The following ZC3HC1 variants were observed in gnomAD, a reference collection of about 807,000 sequenced individuals.
ZC3HC1 encodes the protein zinc finger C3HC-type containing 1.
In ZC3HC1, 38 loss-of-function variants were observed where a neutral mutation model predicts 61.9. The ratio of observed to expected loss-of-function variants is 0.61; its 90% confidence interval spans 0.47 to 0.81. The LOEUF is 0.81. Ranked by LOEUF, ZC3HC1 falls within the 30% of genes least tolerant of loss-of-function variation. The pLI, the probability that ZC3HC1 is intolerant of heterozygous loss-of-function variation, is 0.00. For synonymous variants in ZC3HC1, 213 were observed against 229.9 expected (o/e 0.93, Z 0.67); for missense variants, 554 against 622.7 (o/e 0.89, Z 1.17).
intron 4 of ZC3HC1, among the ~76,000 whole-genome samples, chr7:130,037,400 A>G (rs180676291): frequency 1.3e-5 from 2 of 152,220 alleles, no homozygotes; most frequent in Admixed American, 1.3e-4. Context: ...GCCTAGACTG[A>G]GCCATTGCAG....
At chr7:130,036,406 G>A (rs746998231) in intron 4 of ZC3HC1, among the ~76,000 whole-genome samples, 2 of 151,624 alleles carry the variant, frequency 1.3e-5, no homozygotes, top group African/African-American at 2.4e-5. Flanking sequence ...AACTCAGGAG[G>A]GAAAAATTAG....
At chr7:130,041,135 T>A in intron 2 of ZC3HC1, 34 bp from the exon 3 acceptor site, 1 of 1,537,372 alleles carries the variant, frequency 6.5e-7, no homozygotes, top group Non-Finnish European at 8.8e-7. Context: ...ACAGCAAATA[T>A]ATATATATAT....
At chr7:130,050,445 T>A in intron 1 of ZC3HC1, 1 of 1,529,934 alleles carries the variant, frequency 6.5e-7, no homozygotes, top group Non-Finnish European at 8.7e-7. Context: ...AAACTTACTC[T>A]AAGACTCTCA....
At chr7:130,022,107 G>A (rs1172878532) in intron 9 of ZC3HC1, among the ~76,000 whole-genome samples, 1 of 152,134 alleles carries the variant, frequency 6.6e-6, no homozygotes, top group Non-Finnish European at 1.5e-5. Context: ...GGAGGCGGAG[G>A]TTGCAGTGAG....
intron 9 of ZC3HC1, among the ~76,000 whole-genome samples, chr7:130,019,151 T>A (rs2116634395): frequency 6.6e-6 from 1 of 151,962 alleles, no homozygotes; most frequent in East Asian, 1.9e-4. Flanking sequence ...CCTCCCGGGT[T>A]CACGCCATTC....
rs371366056 is a variant in ZC3HC1 at position 130,022,519 on chromosome 7, A to G, written c.1240T>C (p.Ser414Pro). 7.4e-6 allele frequency: 12 copies of G among 1,614,010 alleles called. No individual in the cohort carries two copies. Among genetic ancestry groups the G allele is most frequent in the Non-Finnish European group, 1.0e-5 (12 of 1,179,996 alleles). ...RLCSSSSSDT[S>P]SRSFFDPTSQ... is the part of the protein sequence containing the mutation. ...GTGGGATCAAAGAAGCTTCGGGAAG[A>G]TGTGTCCTGAGGAAGGAGAAAAAGA... is the stretch of plus-strand genomic sequence containing the variant. Residue 414 changes from serine (S) to proline (P), a missense_variant, in exon 9 of 10, where the codon TCT (serine) becomes CCT (proline). Physicochemically the swap from Ser to Pro is moderately conservative, Grantham distance 74 (BLOSUM62 -1). Coordinates refer to ENST00000358303, the MANE Select transcript of ZC3HC1 (RefSeq NM_016478.5).
intron 4 of ZC3HC1, among the ~76,000 whole-genome samples, chr7:130,031,859 G>C (rs941673018): frequency 9.2e-5 from 14 of 152,180 alleles, no homozygotes; most frequent in Non-Finnish European, 1.5e-4. Context: ...ACCACACACA[G>C]AGCTCCTTGG....
intron 1 of ZC3HC1, chr7:130,050,609 GTAGT>G: frequency 1.1e-6 from 1 of 927,068 alleles, no homozygotes. Flanking sequence ...AAACACCATA[GTAGT>G]ATTAGCAGTA....
upstream of ZC3HC1, chr7:130,051,399 T>C (rs1387527927): frequency 6.2e-7 from 1 of 1,610,622 alleles, no homozygotes; most frequent in South Asian, 1.1e-5. Flanking sequence ...TCCCCGAGAG[T>C]TTGAAGGCTC....
intron 9 of ZC3HC1, 31 bp from the exon 10 acceptor site, chr7:130,018,763 T>G (rs1793484891): frequency 6.4e-7 from 1 of 1,569,254 alleles, no homozygotes; most frequent in Non-Finnish European, 8.8e-7. Context: ...TATTAGTGAT[T>G]ACGTTCTTTT....
Position 130,024,440 on chromosome 7 carries a change from G to C in ZC3HC1, c.843C>G (p.Leu281=), listed in dbSNP as rs975428906. Residue 281 remains leucine, a synonymous_variant, in exon 7 of 10, where the codon CTC becomes CTG. Coordinates refer to ENST00000358303, the MANE Select transcript of ZC3HC1 (RefSeq NM_016478.5). ...ACGATTCAATCTGCTGGAAGCCCCA[G>C]AGCCCCACCTTCCTCATACATTGCG... is the stretch of plus-strand genomic sequence containing the variant. ...TCSQCMRKVG[L]WGFQQIESSM... is the part of the protein sequence containing the mutation. The C allele has an allele frequency of 6.2e-7, 1 of 1,614,050 alleles. No individual in the cohort carries two copies. The highest frequency in any genetic ancestry group is 2.2e-5 in the East Asian group (1 of 44,896).
chr7:130,034,034 A>C lies in ZC3HC1; in HGVS notation c.494-5005T>G, dbSNP rs1000897506. Among the ~76,000 whole-genome samples, 3 of 152,170 alleles carry C rather than the reference A, an allele frequency of 2.0e-5. No individual in the cohort carries two copies. In the South Asian group the frequency reaches 6.2e-4, roughly 31 times the overall value. On this transcript the variant is annotated intron_variant, in intron 4 of 9. Coordinates refer to ENST00000358303, the MANE Select transcript of ZC3HC1 (RefSeq NM_016478.5). ...AGCCTTACTGAGGTCTAATTGACAT[A>C]AACTGCACATGTTTGATAAGTTTTA...
chr7:130,040,862 A>G (rs1794629181), intron 3 of ZC3HC1, 89 bp downstream of exon 3: 1 of 1,385,604 alleles, frequency 7.2e-7, no homozygotes, highest in Non-Finnish European at 9.7e-7. Context: ...TTTTTGATCA[A>G]ACTAAAATGA....
intron 5 of ZC3HC1, among the ~76,000 whole-genome samples, chr7:130,027,785 C>T (rs1793985419): frequency 1.3e-5 from 2 of 152,026 alleles, no homozygotes; most frequent in African/African-American, 4.8e-5. Context: ...TCCCAAAGTG[C>T]CGGGATTACA....
chr7:130,037,677 ATC>A (rs201505493), intron 4 of ZC3HC1, among the ~76,000 whole-genome samples: 2,383 of 152,264 alleles, frequency 0.016, 33 homozygotes, highest in Middle Eastern at 0.024. Context: ...GTAGAGGGGA[ATC>A]TCTGGTTATT....
chr7:130,047,022 G>C (rs536363939), intron 2 of ZC3HC1, among the ~76,000 whole-genome samples: 4 of 152,160 alleles, frequency 2.6e-5, no homozygotes, highest in Admixed American at 2.6e-4. Flanking sequence ...GAGTGCAGTG[G>C]CATGATCTCG....
At position 130,022,028 on chromosome 7, in the gene ZC3HC1, C is replaced by T. The variant is rs538052700; in HGVS notation, c.1440+291G>A. 2.7e-4 allele frequency among the ~76,000 whole-genome samples: 41 copies of T among 152,052 alleles called. 1 individual carries two copies. The East Asian group carries it at 3.9e-3, about 14-fold the overall frequency. The stretch of plus-strand genomic sequence containing the variant: ...TGTCTATTAAAAATACAAAATTAGC[C>T]GGGTGTGGTGGTGGGCGCCTGTAAT... On this transcript the variant is annotated intron_variant, in intron 9 of 9. Coordinates refer to ENST00000358303, the MANE Select transcript of ZC3HC1 (RefSeq NM_016478.5).
chr7:130,024,894 C>CTTTTT (rs544256735), intron 6 of ZC3HC1, among the ~76,000 whole-genome samples: 1 of 37,056 alleles, frequency 2.7e-5, no homozygotes, highest in Non-Finnish European at 4.6e-5. Flanking sequence ...TCCTGTCCCT[C>CTTTTT]TTTTTTTTTT....
At chr7:130,022,599 A>G (rs1793699448) in intron 8 of ZC3HC1, 74 bp from the exon 9 acceptor site, 2 of 1,504,304 alleles carry the variant, frequency 1.3e-6, no homozygotes, top group South Asian at 2.3e-5. Flanking sequence ...GCTGTTAGTT[A>G]TCAAGTCCAG....
Sources: allele counts gnomAD v4.1 joint callset (sites outside exome capture counted in the v4.1 genomes callset), GRCh38; gene constraint gnomAD v4.1.1; transcripts MANE v1.5; gene names NCBI Gene and HGNC (gene_info 2026-07-23, HGNC 2026-07-21).